Variants in CALN1 observed in about 807,000 individuals in gnomAD.
CALN1 encodes calcium-binding protein 8.
Under a neutral mutation model 30.6 loss-of-function variants are expected in CALN1, and 17 were observed. The observed-to-expected ratio is 0.56, with a 90% CI of 0.38 to 0.83. The LOEUF is 0.83. Among genes scored for constraint, CALN1 ranks in the 40% least tolerant of loss-of-function variants. The pLI, the probability that CALN1 is intolerant of heterozygous loss-of-function variation, is 0.00. For missense variants in CALN1, 291 were observed against 354.9 expected, an observed-to-expected ratio of 0.82 and a Z score of 1.45; for synonymous variants, 156 against 131.4, an observed-to-expected ratio of 1.19 and a Z score of -1.28.
At chr7:72,353,159 T>C (rs1803029074) in intron 2 of CALN1, among the ~76,000 whole-genome samples, 2 of 152,164 alleles carry the variant, frequency 1.3e-5, no homozygotes, top group Admixed American at 6.5e-5. Context: ...CTCTGGTGAA[T>C]TCTAACATTT....
intron 3 of CALN1, among the ~76,000 whole-genome samples, chr7:72,166,944 G>C (rs1463495384): frequency 2.6e-5 from 4 of 152,008 alleles, no homozygotes; most frequent in East Asian, 3.9e-4. Context: ...TGAGGAATTA[G>C]AATTGCTTAA....
At chr7:71,884,257 G>A (rs1270509053) in intron 5 of CALN1, among the ~76,000 whole-genome samples, 3 of 152,018 alleles carry the variant, frequency 2.0e-5, no homozygotes, top group African/African-American at 7.3e-5. Flanking sequence ...GGGACTTTTG[G>A]GGATGGGTTT....
the CALN1 span, among the ~76,000 whole-genome samples, chr7:72,479,770 G>A: frequency 6.6e-6 from 1 of 151,952 alleles, no homozygotes; most frequent in Non-Finnish European, 1.5e-5. Context: ...AGGCTGGTCT[G>A]GAACTCCTGA....
At chr7:72,246,678 C>T (rs1220731250) in intron 3 of CALN1, among the ~76,000 whole-genome samples, 1 of 151,726 alleles carries the variant, frequency 6.6e-6, no homozygotes, top group Non-Finnish European at 1.5e-5. Context: ...CTTTGACCAT[C>T]TTCTTGTTTT....
intron 4 of CALN1, among the ~76,000 whole-genome samples, chr7:72,056,013 C>A (rs907887891): frequency 2.6e-5 from 4 of 152,108 alleles, no homozygotes; most frequent in African/African-American, 7.2e-5. Flanking sequence ...GAGCAAGATC[C>A]TGTCTCAATT....
intron 4 of CALN1, among the ~76,000 whole-genome samples, chr7:72,054,833 G>A (rs10253742): frequency 0.076 from 11,484 of 151,882 alleles, 1,398 homozygotes; most frequent in African/African-American, 0.26. Flanking sequence ...AAAATAATCC[G>A]TATGACAAAC....
intron 2 of CALN1, among the ~76,000 whole-genome samples, chr7:72,351,216 T>G (rs1388364634): frequency 6.6e-6 from 1 of 151,900 alleles, no homozygotes; most frequent in Non-Finnish European, 1.5e-5. Flanking sequence ...GTAAAATAAT[T>G]TATAGGCCAG....
At position 72,212,390 on chromosome 7, in the gene CALN1, C is replaced by T. The variant is rs556403651; in HGVS notation, c.244+66296G>A. ...AAATACCAGAGGGGGGAAGAATCTACCCAATAGATATGACATGGAAGAACT... is the reference window on the plus strand; with the variant it reads ...AAATACCAGAGGGGGGAAGAATCTATCCAATAGATATGACATGGAAGAACT... On this transcript the variant is annotated intron_variant, in intron 3 of 6. Coordinates refer to ENST00000395275, the MANE Select transcript of CALN1 (RefSeq NM_031468.4). Among the ~76,000 whole-genome samples the T allele has an allele frequency of 8.0e-5, 12 of 150,136 alleles. No homozygotes were observed. In the South Asian group the frequency reaches 2.6e-3, roughly 32 times the overall value.
chr7:72,338,480 T>A (rs930797039), intron 2 of CALN1, among the ~76,000 whole-genome samples: 1,267 of 118,616 alleles, frequency 0.011, 25 homozygotes, highest in South Asian at 0.047. Flanking sequence ...AGTGTGTGTG[T>A]GTGTGTGTGT....
chr7:71,787,452 C>T lies in CALN1; in HGVS notation c.*323G>A, dbSNP rs1793042055. ...TCTCACCATTATACCTGGATGGCTGCTGGAATTCCGAGATGAAGATGAAGT... is the reference window on the plus strand; with the variant it reads ...TCTCACCATTATACCTGGATGGCTGTTGGAATTCCGAGATGAAGATGAAGT... On this transcript the variant is annotated 3_prime_UTR_variant, in exon 7 of 7. Transcript: ENST00000395275. 3.8e-6 allele frequency: 1 copy of T among 265,404 alleles called. No homozygotes were observed. Among genetic ancestry groups the T allele is most frequent in the South Asian group, 5.3e-5 (1 of 18,928 alleles). 16.4% of individuals were successfully genotyped at this position (265,404 alleles called of 1,614,324 possible). A position where few individuals can be genotyped will look rare whatever the true frequency, so the allele number is the denominator to read the frequency against.
chr7:72,299,859 G>GA (rs1321995212), intron 2 of CALN1, among the ~76,000 whole-genome samples: 3 of 151,752 alleles, frequency 2.0e-5, no homozygotes, highest in African/African-American at 7.3e-5. Flanking sequence ...TTCAATGGGG[G>GA]AGAGTTTTTG....
chr7:71,856,202 C>T (rs1790938078), intron 5 of CALN1, among the ~76,000 whole-genome samples: 1 of 151,280 alleles, frequency 6.6e-6, no homozygotes, highest in African/African-American at 2.4e-5. Flanking sequence ...TGTAAATATA[C>T]ATATATATTT....
At chr7:72,389,388 C>T (rs1054218636) in intron 2 of CALN1, among the ~76,000 whole-genome samples, 3 of 152,086 alleles carry the variant, frequency 2.0e-5, no homozygotes, top group South Asian at 2.1e-4. Flanking sequence ...TAAAAGTGTC[C>T]GAGGCATCGT....
chr7:72,335,331 G>C (rs1272067847), intron 2 of CALN1, among the ~76,000 whole-genome samples: 1 of 152,078 alleles, frequency 6.6e-6, no homozygotes, highest in East Asian at 1.9e-4. Context: ...TTCCCTTTTT[G>C]AGCAAAAGTC....
At chr7:72,128,087 T>G (rs1808892465) in intron 3 of CALN1, among the ~76,000 whole-genome samples, 1 of 152,088 alleles carries the variant, frequency 6.6e-6, no homozygotes, top group Non-Finnish European at 1.5e-5. Context: ...AAATATTTCT[T>G]AAGTGTGCAC....
At chr7:72,086,124 C>T (rs1369920483) in intron 4 of CALN1, among the ~76,000 whole-genome samples, 2 of 151,952 alleles carry the variant, frequency 1.3e-5, no homozygotes, top group Non-Finnish European at 2.9e-5. Flanking sequence ...CATATGAAAT[C>T]CAAAAGAAAT....
At chr7:72,501,908 C>CAAA in the CALN1 span, among the ~76,000 whole-genome samples, 2,921 of 24,712 alleles carry the variant, frequency 0.12, 434 homozygotes, top group African/African-American at 0.16. Context: ...GATTTCGTCT[C>CAAA]AAAAAAAAAA....
At chr7:71,867,762 T>C (rs991505369) in intron 5 of CALN1, among the ~76,000 whole-genome samples, 1 of 152,150 alleles carries the variant, frequency 6.6e-6, no homozygotes. Flanking sequence ...ACTCCTTTTG[T>C]TCATTTGTTT....
chr7:72,025,025 T>C (rs1800963804), intron 4 of CALN1, among the ~76,000 whole-genome samples: 1 of 152,156 alleles, frequency 6.6e-6, no homozygotes, highest in South Asian at 2.1e-4. Context: ...AAACCATGTA[T>C]CCTGGCCAGG....
Sources: allele counts gnomAD v4.1 joint callset (sites outside exome capture counted in the v4.1 genomes callset), GRCh38; gene constraint gnomAD v4.1.1; transcripts MANE v1.5; gene names NCBI Gene and HGNC (gene_info 2026-07-23, HGNC 2026-07-21).